Variants in KCNQ1 observed in about 807,000 individuals in gnomAD.
KCNQ1 encodes the protein potassium voltage-gated channel subfamily Q member 1.
In KCNQ1, 49 loss-of-function variants were observed where a neutral mutation model predicts 72.4. The ratio of observed to expected loss-of-function variants is 0.68; its 90% confidence interval spans 0.54 to 0.86. KCNQ1 has a LOEUF of 0.86. Ranked by LOEUF, KCNQ1 falls within the 40% of genes least tolerant of loss-of-function variation. The probability of loss-of-function intolerance (pLI) is 0.00; values close to 1 mark genes in which losing one functional copy is unlikely to be tolerated. For missense variants in KCNQ1, 790 were observed against 945.1 expected, an observed-to-expected ratio of 0.84 and a Z score of 2.15; for synonymous variants, 450 against 412.6, an observed-to-expected ratio of 1.09 and a Z score of -1.10.
In KCNQ1 at chr11:2,566,507, T is replaced by C. The variant is rs541976336; in HGVS notation, c.478-4121T>C. On this transcript the variant is annotated intron_variant, in intron 2 of 15. Coordinates refer to ENST00000155840, the MANE Select transcript of KCNQ1 (RefSeq NM_000218.3). The surrounding 1 kb of genome is among the most constrained non-coding windows in gnomAD (Gnocchi z 6.7). ...TGAACAGAGGCCACCACCCCCATTA[T>C]GTGGGTCTGTGTTTGCTCTGTGCAC... 1.3e-5 allele frequency among the ~76,000 whole-genome samples: 2 copies of C among 152,202 alleles called. No homozygotes were observed. The highest frequency in any genetic ancestry group is 3.9e-4 in the East Asian group (2 of 5,160).
chr11:2,525,442 G>A (rs1247187877), intron 1 of KCNQ1, among the ~76,000 whole-genome samples: 1 of 152,252 alleles, frequency 6.6e-6, no homozygotes, highest in African/African-American at 2.4e-5. Flanking sequence ...AGAGACAGAT[G>A]AGAGCAGGGG....
At chr11:2,485,850 G>T (rs1186315740) in intron 1 of KCNQ1, among the ~76,000 whole-genome samples, 1 of 152,242 alleles carries the variant, frequency 6.6e-6, no homozygotes, top group African/African-American at 2.4e-5. Context: ...GTTCACTCAT[G>T]CTGTAGCATG....
intron 15 of KCNQ1, among the ~76,000 whole-genome samples, chr11:2,825,314 G>A (rs975175772): frequency 6.6e-6 from 1 of 152,230 alleles, no homozygotes; most frequent in Admixed American, 6.5e-5. Flanking sequence ...GGAGGCCAAG[G>A]GAGGCCCGCA....
Position 2,687,885 on chromosome 11 carries a change from G to A in KCNQ1, c.1514+25804G>A, listed in dbSNP as rs180959759. ...AAAGGCTGGACTTGGGGTGTCCCGC[G>A]GAAATCCTGGTGGGATGGAAAATCC... On this transcript the variant is annotated intron_variant, in intron 11 of 15. Transcript: ENST00000155840. This position sits in a 1 kb window ranked among gnomAD's most constrained non-coding sequence, Gnocchi z 5.0. The A allele has an allele frequency of 8.3e-3, 3,325 of 398,688 alleles. 18 individuals are homozygous for A. The highest frequency in any genetic ancestry group is 0.01 in the Non-Finnish European group (2,360 of 226,102). The allele number at this position is 398,688 out of a possible 1,614,324, so 24.7% of individuals were successfully genotyped here.
intron 11 of KCNQ1, chr11:2,672,820 A>G (rs1850210733): frequency 2.5e-6 from 1 of 398,594 alleles, no homozygotes; most frequent in Admixed American, 4.4e-5. Context: ...GGACCAAGTG[A>G]CCCCAACTCT....
At position 2,803,689 on chromosome 11, in the gene KCNQ1, G is replaced by A. The variant is rs1847318726; in HGVS notation, c.1794+25652G>A. On this transcript the variant is annotated intron_variant, in intron 15 of 15. Coordinates refer to ENST00000155840, the MANE Select transcript of KCNQ1 (RefSeq NM_000218.3). This position sits in a 1 kb window ranked among gnomAD's most constrained non-coding sequence, Gnocchi z 6.4. ...GCCTGTCCCCCAAATGCCCAGGGCT[G>A]TGGCCTGCCCAGACTTGCCAGGGAG... Among the ~76,000 whole-genome samples the A allele has an allele frequency of 6.6e-6, 1 of 152,058 alleles. No individual in the cohort carries two copies. Among genetic ancestry groups the A allele is most frequent in the African/African-American group, 2.4e-5 (1 of 41,406 alleles).
rs1450862419 is a variant in KCNQ1, at chr11:2,559,100, G to T, written c.478-11528G>T. 6.6e-6 allele frequency among the ~76,000 whole-genome samples: 1 copy of T among 152,084 alleles called. No homozygotes were observed. Among genetic ancestry groups the T allele is most frequent in the African/African-American group, 2.4e-5 (1 of 41,434 alleles). On this transcript the variant is annotated intron_variant, in intron 2 of 15. Coordinates refer to ENST00000155840, the MANE Select transcript of KCNQ1 (RefSeq NM_000218.3). The surrounding 1 kb of genome is among the most constrained non-coding windows in gnomAD (Gnocchi z 4.9). ...TGGAGGCACCGGCTCAGCAAGAGGG[G>T]TCACTTGAGCCTTGGCCTGCAGGGA...
chr11:2,786,740 G>T (rs529405666), intron 15 of KCNQ1, among the ~76,000 whole-genome samples: 7 of 151,672 alleles, frequency 4.6e-5, no homozygotes, highest in Non-Finnish European at 7.4e-5. Flanking sequence ...AGTTCTGTTG[G>T]GTTCTTATTC....
chr11:2,531,339 G>T (rs1017370691), intron 2 of KCNQ1, among the ~76,000 whole-genome samples: 2 of 152,130 alleles, frequency 1.3e-5, no homozygotes, highest in African/African-American at 4.8e-5. Flanking sequence ...TGCAGCCCTA[G>T]AATCACCAGC....
rs756590155 is a variant in KCNQ1 at position 2,766,329 on chromosome 11, T to C, written c.1515-2515T>C. Among the ~76,000 whole-genome samples the C allele has an allele frequency of 6.6e-6, 1 of 152,210 alleles. No individual in the cohort carries two copies. The highest frequency in any genetic ancestry group is 1.5e-5 in the Non-Finnish European group (1 of 68,034). On this transcript the variant is annotated intron_variant, in intron 11 of 15. Coordinates refer to ENST00000155840, the MANE Select transcript of KCNQ1 (RefSeq NM_000218.3). This position sits in a 1 kb window ranked among gnomAD's most constrained non-coding sequence, Gnocchi z 4.4. ...TGACATGGCAGTACTTGCATGGTGA[T>C]GTGGTGGTGGCTGAGTGGTCTCTGT...
chr11:2,573,019 G>A, intron 6 of KCNQ1, 33 bp downstream of exon 6: 1 of 1,606,588 alleles, frequency 6.2e-7, no homozygotes, highest in Non-Finnish European at 8.5e-7. Flanking sequence ...TGGGGACAGG[G>A]GCAGCTCAGG....
intron 10 of KCNQ1, chr11:2,622,696 A>T: frequency 7.5e-6 from 3 of 398,332 alleles, no homozygotes; most frequent in Non-Finnish European, 1.3e-5. Flanking sequence ...GATTGTCTGT[A>T]TGTGTGTATG....
chr11:2,562,938 G>A lies in KCNQ1; in HGVS notation c.478-7690G>A, dbSNP rs933540383. 1.3e-5 allele frequency among the ~76,000 whole-genome samples: 2 copies of A among 152,174 alleles called. No individual in the cohort carries two copies. The highest frequency in any genetic ancestry group is 2.9e-5 in the Non-Finnish European group (2 of 68,034). On this transcript the variant is annotated intron_variant, in intron 2 of 15. Coordinates refer to ENST00000155840, the MANE Select transcript of KCNQ1 (RefSeq NM_000218.3). This position sits in a 1 kb window ranked among gnomAD's most constrained non-coding sequence, Gnocchi z 7.5. ...CAGAGACACCAAAATAGACAAAAGAGATAATAGAAGAGTAATATCAGAGAC... is the reference window on the plus strand; with the variant it reads ...CAGAGACACCAAAATAGACAAAAGAAATAATAGAAGAGTAATATCAGAGAC...
chr11:2,461,241 C>T (rs1432815239), intron 1 of KCNQ1, among the ~76,000 whole-genome samples: 2 of 152,322 alleles, frequency 1.3e-5, no homozygotes, highest in South Asian at 2.1e-4. Context: ...TGTTTGAAGG[C>T]CTGTGGGGCC....
chr11:2,644,798 A>AT, intron 10 of KCNQ1: 2 of 398,444 alleles, frequency 5.0e-6, no homozygotes, highest in Non-Finnish European at 4.4e-6. Flanking sequence ...TCTCCATGGA[A>AT]TTTTTTTCAG....
At chr11:2,721,736 C>A (rs985922309) in intron 11 of KCNQ1, among the ~76,000 whole-genome samples, 1 of 152,220 alleles carries the variant, frequency 6.6e-6, no homozygotes, top group Non-Finnish European at 1.5e-5. Context: ...CCGACAGCAG[C>A]GGTGGTGATG....
intron 2 of KCNQ1, among the ~76,000 whole-genome samples, chr11:2,529,142 G>T (rs1281365011): frequency 2.0e-5 from 3 of 152,188 alleles, no homozygotes. Context: ...CCTGACTGGA[G>T]GGGCCGTCTT....
At chr11:2,534,177 G>A (rs1393061798) in intron 2 of KCNQ1, among the ~76,000 whole-genome samples, 1 of 152,168 alleles carries the variant, frequency 6.6e-6, no homozygotes, top group Non-Finnish European at 1.5e-5. Context: ...CTGGGCCTCC[G>A]TGACGGCCCT....
intron 1 of KCNQ1, among the ~76,000 whole-genome samples, chr11:2,456,802 G>A (rs968247081): frequency 6.8e-6 from 1 of 146,194 alleles, no homozygotes. Context: ...AGCCGGGCGT[G>A]GGGGTGGGCG....
Sources: gnomAD v4.1 joint callset for allele counts (sites outside exome capture counted in the v4.1 genomes callset) on GRCh38, gnomAD v4.1.1 for gene constraint, Gnocchi (gnomAD v3.1) non-coding constraint, MANE v1.5 for transcripts, NCBI Gene and HGNC (gene_info 2026-07-23, HGNC 2026-07-21) for gene names.